The following ADAM22 variants were observed in gnomAD, a reference collection of about 807,000 sequenced individuals.
ADAM22 encodes ADAM metallopeptidase domain 22, also known as disintegrin and metalloproteinase domain-containing protein 22.
ADAM22 carries 65 observed loss-of-function variants against 144.6 expected under a neutral mutation model. That is an observed-to-expected ratio of 0.45 (90% CI 0.37 to 0.55). The LOEUF (loss-of-function observed/expected upper bound fraction) is 0.55, where lower values mean the gene tolerates loss of function less well. Among genes scored for constraint, ADAM22 ranks in the 20% least tolerant of loss-of-function variants. ADAM22 has a pLI of 0.00. For synonymous variants in ADAM22, 391 were observed against 412.6 expected, an observed-to-expected ratio of 0.95 and a Z score of 0.63; for missense variants, 974 against 1,184.9, an observed-to-expected ratio of 0.82 and a Z score of 2.61.
chr7:87,993,559 A>T (rs1790411975), intron 3 of ADAM22, among the ~76,000 whole-genome samples: 1 of 152,168 alleles, frequency 6.6e-6, no homozygotes, highest in African/African-American at 2.4e-5. Flanking sequence ...TTCTGTCAGA[A>T]AGTCAGTATG....
At chr7:88,112,522 T>C (rs1177770363) in intron 5 of ADAM22, among the ~76,000 whole-genome samples, 1 of 152,206 alleles carries the variant, frequency 6.6e-6, no homozygotes, top group Non-Finnish European at 1.5e-5. Context: ...GATGCCTGAA[T>C]GATAAGACAA....
chr7:88,009,623 T>G (rs144635645), intron 3 of ADAM22, among the ~76,000 whole-genome samples: 2,168 of 152,288 alleles, frequency 0.014, 48 homozygotes, highest in African/African-American at 0.049. Flanking sequence ...TTTATATTGA[T>G]TTTATTTTTG....
chr7:88,050,397 C>T (rs1204133829), intron 3 of ADAM22, among the ~76,000 whole-genome samples: 5 of 106,552 alleles, frequency 4.7e-5, no homozygotes, highest in Non-Finnish European at 9.2e-5. Context: ...GACCCTGTCT[C>T]AAAAAAACAA....
intron 3 of ADAM22, among the ~76,000 whole-genome samples, chr7:88,024,209 A>G (rs1388682160): frequency 6.6e-6 from 1 of 152,060 alleles, no homozygotes; most frequent in Non-Finnish European, 1.5e-5. Flanking sequence ...ATACCTAACA[A>G]TGGGATTTCT....
At chr7:88,123,236 G>C (rs1031079845) in intron 7 of ADAM22, among the ~76,000 whole-genome samples, 1 of 151,866 alleles carries the variant, frequency 6.6e-6, no homozygotes, top group Non-Finnish European at 1.5e-5. Flanking sequence ...TTCTTTTCTG[G>C]TTTTAGTACC....
intron 2 of ADAM22, among the ~76,000 whole-genome samples, chr7:87,955,162 G>C (rs1390054313): frequency 6.6e-6 from 1 of 152,208 alleles, no homozygotes; most frequent in African/African-American, 2.4e-5. Context: ...ATCCAGCTTT[G>C]TTCCGTTGCT....
chr7:88,080,144 G>C (rs1195734038), intron 4 of ADAM22, among the ~76,000 whole-genome samples: 1 of 152,258 alleles, frequency 6.6e-6, no homozygotes, highest in African/African-American at 2.4e-5. Flanking sequence ...ATAACAAACT[G>C]TCTCCCAGAC....
At chr7:88,160,920 C>T (rs1374491162) in intron 22 of ADAM22, among the ~76,000 whole-genome samples, 1 of 151,858 alleles carries the variant, frequency 6.6e-6, no homozygotes, top group Non-Finnish European at 1.5e-5. Context: ...ACAATGAGAA[C>T]ACTTGGACAC....
Position 88,149,028 on chromosome 7 carries a change from C to T in ADAM22, c.1537C>T (p.Arg513Cys), listed in dbSNP as rs752694897. Residue 513 changes from arginine (R) to cysteine (C), a missense_variant, in exon 18 of 32, where the codon CGT becomes TGT. This residue lies in a region of ADAM22 where 734 missense variants were observed against 950.6 expected (regional missense o/e 0.77). Transcript: ENST00000413139. ...AGAAGCAGTAAATGATTGTGATATT[C>T]GTGAAACGTGCTCAGGAAATTCAAG... ...CREAVNDCDI[R>C]ETCSGNSSQC... 5.6e-6 allele frequency: 9 copies of T among 1,611,972 alleles called. No homozygotes were observed. In the East Asian group the frequency reaches 6.7e-5, roughly 12 times the overall value.
intron 26 of ADAM22, among the ~76,000 whole-genome samples, chr7:88,176,647 TA>T (rs1418713929): frequency 6.6e-6 from 1 of 152,194 alleles, no homozygotes; most frequent in Non-Finnish European, 1.5e-5. Context: ...AGGCCTTACT[TA>T]ATGTTTAAAT....
In ADAM22 at chr7:88,148,921, T is replaced by C. The variant is rs376043772; in HGVS notation, c.1486-56T>C. On this transcript the variant is annotated intron_variant, in intron 17 of 31. Coordinates refer to ENST00000413139, the MANE Select transcript of ADAM22 (RefSeq NM_001324418.2). ...TTCATTTTGTTTTTTTTAGATGATA[T>C]TGTAAGATTTTTTTTTCTCCCTACA... 2.9e-4 allele frequency: 379 copies of C among 1,326,236 alleles called. 2 individuals carry two copies. In the African/African-American group the frequency reaches 4.6e-3, roughly 16 times the overall value. The allele number at this position is 1,326,236 out of a possible 1,614,324, so 82.2% of individuals were successfully genotyped here.
At chr7:88,176,860 G>A (rs1845799923) in intron 26 of ADAM22, among the ~76,000 whole-genome samples, 1 of 152,150 alleles carries the variant, frequency 6.6e-6, no homozygotes, top group African/African-American at 2.4e-5. Context: ...TGCCTCCCAA[G>A]TTCAAGCACT....
intron 3 of ADAM22, among the ~76,000 whole-genome samples, chr7:87,998,205 G>C (rs1791688632): frequency 6.6e-6 from 1 of 152,064 alleles, no homozygotes; most frequent in Admixed American, 6.5e-5. Context: ...TGCCCACCCA[G>C]ATTGAGGGTG....
At chr7:88,011,749 A>G (rs1252713582) in intron 3 of ADAM22, among the ~76,000 whole-genome samples, 11 of 133,786 alleles carry the variant, frequency 8.2e-5, no homozygotes, top group African/African-American at 1.4e-4. Flanking sequence ...CCACCCCCCA[A>G]CCTTTCTCTC....
chr7:88,001,546 G>C (rs1453556693), intron 3 of ADAM22, among the ~76,000 whole-genome samples: 1 of 152,080 alleles, frequency 6.6e-6, no homozygotes, highest in Non-Finnish European at 1.5e-5. Context: ...CTTATTTAGA[G>C]ATCTGGTATA....
chr7:88,092,103 A>G (rs1820023229), intron 4 of ADAM22, among the ~76,000 whole-genome samples: 2 of 152,208 alleles, frequency 1.3e-5, no homozygotes, highest in South Asian at 2.1e-4. Context: ...TGTCTTGCAC[A>G]TGGCAAACAC....
intron 2 of ADAM22, among the ~76,000 whole-genome samples, chr7:87,969,788 ACT>A (rs1227106663): frequency 1.3e-5 from 2 of 152,198 alleles, no homozygotes; most frequent in African/African-American, 2.4e-5. Context: ...GTTGCCAGGC[ACT>A]GTTCTACTTC....
intron 2 of ADAM22, among the ~76,000 whole-genome samples, chr7:87,944,998 CT>C (rs1339719814): frequency 3.5e-5 from 2 of 57,116 alleles, no homozygotes; most frequent in Non-Finnish European, 5.9e-5. Context: ...TCTTTCACCT[CT>C]TTCTTCTTCT....
intron 3 of ADAM22, among the ~76,000 whole-genome samples, chr7:88,007,841 A>C (rs1305812654): frequency 6.6e-6 from 1 of 152,258 alleles, no homozygotes; most frequent in Non-Finnish European, 1.5e-5. Context: ...AGGCATGGGC[A>C]AGGACTTCAT....
Sources: allele counts gnomAD v4.1 joint callset (sites outside exome capture counted in the v4.1 genomes callset), GRCh38; gene constraint gnomAD v4.1.1; regional missense constraint gnomAD v4.1.1; transcripts MANE v1.5; gene names NCBI Gene and HGNC (gene_info 2026-07-23, HGNC 2026-07-21).